HDAC5: variants seen among roughly 807,000 people sequenced by gnomAD.
The protein encoded by HDAC5 is histone deacetylase 5, also known as antigen NY-CO-9.
Under a neutral mutation model 133.3 loss-of-function variants are expected in HDAC5, and 25 were observed. That is an observed-to-expected ratio of 0.19 (90% CI 0.14 to 0.26). HDAC5 has a LOEUF of 0.26. HDAC5 is among the 10% of genes least tolerant of loss of function. The pLI is 1.00. For synonymous variants in HDAC5, 589 were observed against 610.8 expected (o/e 0.96, Z 0.53); for missense variants, 1,041 against 1,460.5 (o/e 0.71, Z 4.68).
At chr17:44,098,831 G>C (rs567952968) in intron 3 of HDAC5, among the ~76,000 whole-genome samples, 2 of 151,070 alleles carry the variant, frequency 1.3e-5, no homozygotes, top group African/African-American at 4.8e-5. Context: ...CCCACTGAAA[G>C]GCCAGGGAGA....
chr17:44,078,266 G>A lies in HDAC5; in HGVS notation c.*110C>T, dbSNP rs962369376. 5.0e-6 allele frequency: 6 copies of A among 1,205,350 alleles called. No homozygotes were observed. The highest frequency in any genetic ancestry group is 6.8e-6 in the Non-Finnish European group (6 of 887,434). The allele number at this position is 1,205,350 out of a possible 1,614,324, so 74.7% of individuals were successfully genotyped here. ...CAGCGTAGAGGAGCAGGAGGGGCAA[G>A]GCTGAGAGACCCACACGGCACACCT... On this transcript the variant is annotated 3_prime_UTR_variant, in exon 27 of 27. Transcript: ENST00000682912.
chr17:44,091,566 A>G, intron 10 of HDAC5, 74 bp from the exon 11 acceptor site: 7 of 1,483,658 alleles, frequency 4.7e-6, no homozygotes, highest in Non-Finnish European at 6.3e-6. Context: ...TCTACCCACT[A>G]TCTACCCCCC....
At chr17:44,111,737 TA>T in intron 2 of HDAC5, 1 of 497,372 alleles carries the variant, frequency 2.0e-6, no homozygotes, top group Non-Finnish European at 4.0e-6. Context: ...GAGAGACCCC[TA>T]AACACCTGCT....
At chr17:44,082,404 A>T in intron 20 of HDAC5, 181 bp downstream of exon 20, 1 of 600,550 alleles carries the variant, frequency 1.7e-6, no homozygotes, top group Non-Finnish European at 3.0e-6. Flanking sequence ...GCCCTGTTGG[A>T]ATGTGACGTT....
intron 20 of HDAC5, among the ~76,000 whole-genome samples, chr17:44,081,371 T>TC (rs1456859741): frequency 1.3e-5 from 2 of 151,748 alleles, no homozygotes; most frequent in Non-Finnish European, 2.9e-5. Context: ...TGCCTCAGCC[T>TC]CCCGAGTAGC....
rs192218780 is a variant in HDAC5, at chr17:44,080,423, C to T, written c.2803G>A (p.Val935Met). 6.8e-6 allele frequency: 11 copies of T among 1,614,098 alleles called. No homozygotes were observed. Among genetic ancestry groups the T allele is most frequent in the African/African-American group, 5.3e-5 (4 of 75,032 alleles). The change falls in exon 22 of 27, where the codon GTG becomes ATG. Residue 935 changes from valine (V) to methionine (M), a missense_variant. Transcript: ENST00000682912. Reference protein sequence around the residue: ...TGGVDPPIGDVEYLTAFRTVV... With the variant: ...TGGVDPPIGDMEYLTAFRTVV... ...TACCTGAAGGCTGTAAGGTACTCCA[C>T]GTCTCCAATGGGGGGGTCCACACCT...
intron 18 of HDAC5, 69 bp downstream of exon 18, chr17:44,083,476 G>T (rs1471162883): frequency 4.5e-6 from 5 of 1,110,614 alleles, no homozygotes; most frequent in Non-Finnish European, 6.7e-6. Context: ...TCCCAAGGCT[G>T]CCCCTGTCCT....
At position 44,092,155 on chromosome 17, in the gene HDAC5, C is replaced by A. The variant is rs781020954; in HGVS notation, c.1032+17G>T. On this transcript the variant is annotated intron_variant, in intron 9 of 26. Transcript: ENST00000682912. The stretch of plus-strand genomic sequence containing the variant: ...CAACTCTGTCCCCGCCCCACCAGCC[C>A]CCAGCCAGGCCTGTACCTCAGTGGG... The A allele has an allele frequency of 2.5e-6, 4 of 1,606,994 alleles. No homozygotes were observed. Among genetic ancestry groups the A allele is most frequent in the Non-Finnish European group, 3.4e-6 (4 of 1,174,574 alleles).
chr17:44,100,936 G>A (rs1305495290), intron 3 of HDAC5, among the ~76,000 whole-genome samples: 1 of 148,630 alleles, frequency 6.7e-6, no homozygotes, highest in Non-Finnish European at 1.5e-5. Flanking sequence ...CTACAGGCAT[G>A]TGCCACCACA....
chr17:44,113,235 A>G (rs1245118292), intron 2 of HDAC5, among the ~76,000 whole-genome samples: 4 of 152,206 alleles, frequency 2.6e-5, no homozygotes, highest in Non-Finnish European at 4.4e-5. Flanking sequence ...CAGGGCCCCC[A>G]GAACCTGGAG....
chr17:44,118,820 G>A lies in HDAC5; in HGVS notation c.-189-1116C>T, dbSNP rs566976980. ...GCCCTAACTCTGCTCCCCAAGCCTC[G>A]AACCAGCAATCAGCTCTGCCCCCCT... On this transcript the variant is annotated intron_variant, in intron 1 of 26. Coordinates refer to ENST00000682912, the MANE Select transcript of HDAC5 (RefSeq NM_005474.5). Among the ~76,000 whole-genome samples the A allele has an allele frequency of 3.9e-5, 6 of 152,228 alleles. No homozygotes were observed. The South Asian group carries it at 1.0e-3, about 26-fold the overall frequency.
intron 13 of HDAC5, 87 bp downstream of exon 13, chr17:44,087,325 G>A (rs1187423727): frequency 4.4e-6 from 3 of 687,418 alleles, no homozygotes; most frequent in African/African-American, 3.5e-5. Context: ...ACTGCAGATG[G>A]GGGAGAGGGA....
rs2050731604 is a variant in HDAC5 at position 44,087,596 on chromosome 17, C to G, written c.1700G>C (p.Gly567Ala). 1.2e-6 allele frequency: 2 copies of G among 1,613,964 alleles called. No individual in the cohort carries two copies. The highest frequency in any genetic ancestry group is 1.7e-5 in the Admixed American group (1 of 59,988). Reference sequence around the variant, plus strand: ...GCCCTCCCGGGGCATGGTCAGGGCTCCCTCCCCCAGCAAGACCTCCTGCTG... The same window carrying G: ...GCCCTCCCGGGGCATGGTCAGGGCTGCCTCCCCCAGCAAGACCTCCTGCTG... ...TEQQEVLLGE[G>A]ALTMPREGST... Residue 567 changes from glycine (G) to alanine (A), a missense_variant, in exon 13 of 27, where the codon GGA becomes GCA. Physicochemically the swap from Gly to Ala is moderately conservative, Grantham distance 60. Coordinates refer to ENST00000682912, the MANE Select transcript of HDAC5 (RefSeq NM_005474.5).
chr17:44,091,197 A>G, intron 11 of HDAC5, 73 bp downstream of exon 11: 1 of 1,114,776 alleles, frequency 9.0e-7, no homozygotes, highest in South Asian at 1.3e-5. Context: ...GAACTGTGAC[A>G]GGGTTGGAGA....
intron 3 of HDAC5, among the ~76,000 whole-genome samples, chr17:44,096,058 C>T (rs1321956393): frequency 6.6e-6 from 1 of 152,128 alleles, no homozygotes; most frequent in African/African-American, 2.4e-5. Context: ...CATGTCACTC[C>T]TCACCACTGC....
intron 16 of HDAC5, 74 bp downstream of exon 16, chr17:44,084,481 G>C: frequency 6.3e-7 from 1 of 1,582,668 alleles, no homozygotes; most frequent in Non-Finnish European, 8.6e-7. Flanking sequence ...AGCCTGGTCA[G>C]GCAGTCTTCC....
intron 17 of HDAC5, 65 bp downstream of exon 17, chr17:44,083,740 A>G: frequency 6.3e-7 from 1 of 1,581,774 alleles, no homozygotes; most frequent in Non-Finnish European, 8.7e-7. Context: ...CGGCTGTGGT[A>G]GGCAGGGAAG....
intron 13 of HDAC5, 55 bp downstream of exon 13, chr17:44,087,357 G>A (rs990348869): frequency 2.8e-6 from 2 of 719,950 alleles, no homozygotes. Context: ...AGAGGCAGGG[G>A]TGGAGAAGGA....
chr17:44,103,557 C>T (rs968865377), intron 3 of HDAC5, among the ~76,000 whole-genome samples: 2 of 152,060 alleles, frequency 1.3e-5, no homozygotes, highest in Admixed American at 6.5e-5. Flanking sequence ...TAGTTAGGCT[C>T]GGGAGAATGT....
Sources: gnomAD v4.1 joint callset for allele counts (sites outside exome capture counted in the v4.1 genomes callset) on GRCh38, gnomAD v4.1.1 for gene constraint, MANE v1.5 for transcripts, NCBI Gene and HGNC (gene_info 2026-07-23, HGNC 2026-07-21) for gene names.